ADARB2: variants seen among roughly 807,000 people sequenced by gnomAD.
The protein encoded by ADARB2 is inactive double-stranded RNA-specific editase B2.
In ADARB2, 25 loss-of-function variants were observed where a neutral mutation model predicts 62.2. The ratio of observed to expected loss-of-function variants is 0.40; its 90% CI spans 0.29 to 0.56. ADARB2 has a LOEUF of 0.56. ADARB2 is among the 20% of genes least tolerant of loss of function. The probability of loss-of-function intolerance (pLI) is 0.43; values close to 1 mark genes in which losing one functional copy is unlikely to be tolerated. For synonymous variants in ADARB2, 572 were observed against 500.8 expected, an observed-to-expected ratio of 1.14 and a Z score of -1.90; for missense variants, 1,071 against 1,077.4, an observed-to-expected ratio of 0.99 and a Z score of 0.08.
intron 6 of ADARB2, among the ~76,000 whole-genome samples, chr10:1,229,835 C>CAT (rs1188992762): frequency 3.4e-5 from 5 of 145,944 alleles, no homozygotes; most frequent in Admixed American, 3.4e-4. Flanking sequence ...TTTTTGTGCA[C>CAT]ATGTGCTTAC....
intron 1 of ADARB2, among the ~76,000 whole-genome samples, chr10:1,732,308 A>G (rs967921229): frequency 4.3e-5 from 3 of 70,438 alleles, no homozygotes; most frequent in Non-Finnish European, 5.8e-5. Context: ...TTATCTTTTC[A>G]TGCCTCAAAA....
At chr10:1,338,311 GCA>G in intron 3 of ADARB2, among the ~76,000 whole-genome samples, 1 of 152,220 alleles carries the variant, frequency 6.6e-6, no homozygotes, top group East Asian at 1.9e-4. Context: ...GTCTTGGGCC[GCA>G]CAGTTTCAGT....
chr10:1,678,092 C>A (rs1350657810), intron 1 of ADARB2: 2 of 941,354 alleles, frequency 2.1e-6, no homozygotes, highest in Non-Finnish European at 2.5e-6. Context: ...GTTTTAAAGG[C>A]CAATTTCTGT....
At chr10:1,652,866 G>A (rs1057507272) in intron 1 of ADARB2, among the ~76,000 whole-genome samples, 6 of 152,114 alleles carry the variant, frequency 3.9e-5, no homozygotes, top group African/African-American at 4.8e-5. Context: ...CAAACCAGCC[G>A]ATCCGTGACA....
chr10:1,235,005 C>A (rs1254962269), intron 5 of ADARB2, among the ~76,000 whole-genome samples: 2 of 152,120 alleles, frequency 1.3e-5, no homozygotes, highest in African/African-American at 2.4e-5. Flanking sequence ...CCTTGGCCCC[C>A]CAAAGAGCTG....
chr10:1,553,692 T>A (rs1428559038), intron 1 of ADARB2, among the ~76,000 whole-genome samples: 1 of 152,156 alleles, frequency 6.6e-6, no homozygotes, highest in Non-Finnish European at 1.5e-5. Context: ...CCCAGAAGCC[T>A]AAAAATACAT....
intron 1 of ADARB2, among the ~76,000 whole-genome samples, chr10:1,672,678 A>AC (rs1834405091): frequency 7.0e-6 from 1 of 143,206 alleles, no homozygotes; most frequent in Non-Finnish European, 1.5e-5. Context: ...CCCTCCACGC[A>AC]CGCACTTCCC....
chr10:1,696,935 G>C (rs1458477345), intron 1 of ADARB2, among the ~76,000 whole-genome samples: 2 of 151,726 alleles, frequency 1.3e-5, no homozygotes, highest in Non-Finnish European at 2.9e-5. Flanking sequence ...ACACAAATTT[G>C]TAAGCTTTCT....
chr10:1,657,272 G>A (rs1267935422), intron 1 of ADARB2, among the ~76,000 whole-genome samples: 3 of 152,166 alleles, frequency 2.0e-5, no homozygotes, highest in Admixed American at 6.5e-5. Context: ...ACTTCAGTAC[G>A]TTGCTTCTTG....
intron 1 of ADARB2, among the ~76,000 whole-genome samples, chr10:1,471,892 C>G (rs769110038): frequency 2.0e-5 from 3 of 152,210 alleles, no homozygotes; most frequent in Non-Finnish European, 4.4e-5. Flanking sequence ...GTCTCACCCT[C>G]CACATCCCCC....
intron 1 of ADARB2, among the ~76,000 whole-genome samples, chr10:1,495,902 A>G (rs1254866562): frequency 6.6e-6 from 1 of 152,044 alleles, no homozygotes; most frequent in Non-Finnish European, 1.5e-5. Context: ...CATTAGTATC[A>G]ACATTATCAC....
chr10:1,597,049 C>T (rs896274572), intron 1 of ADARB2, among the ~76,000 whole-genome samples: 1 of 152,020 alleles, frequency 6.6e-6, no homozygotes. Flanking sequence ...CTAGAACTAC[C>T]GACCACAGTA....
chr10:1,518,565 G>A (rs1474221464), intron 1 of ADARB2, among the ~76,000 whole-genome samples: 1 of 152,260 alleles, frequency 6.6e-6, no homozygotes, highest in Non-Finnish European at 1.5e-5. Context: ...ATGTCTGCAT[G>A]TGGTGTGGTC....
At chr10:1,221,741 A>G (rs1444982495) in intron 6 of ADARB2, among the ~76,000 whole-genome samples, 1 of 152,160 alleles carries the variant, frequency 6.6e-6, no homozygotes, top group African/African-American at 2.4e-5. Context: ...TACAAAGGAC[A>G]TGAACTCATC....
chr10:1,652,387 C>T (rs1242204916), intron 1 of ADARB2, among the ~76,000 whole-genome samples: 3 of 152,200 alleles, frequency 2.0e-5, no homozygotes, highest in African/African-American at 7.2e-5. Flanking sequence ...CAGGCTGCTG[C>T]CAGCTCCCGG....
In ADARB2 at chr10:1,508,285, C is replaced by T. The variant is rs1043585078; in HGVS notation, c.101-129125G>A. ...CCTCAATGGACGTCAGTGCTGTCCC[C>T]GCAGCTGGTGAAGACACACGCTATG... On this transcript the variant is annotated intron_variant, in intron 1 of 9. Coordinates refer to ENST00000381312, the MANE Select transcript of ADARB2 (RefSeq NM_018702.4). 3.3e-5 allele frequency among the ~76,000 whole-genome samples: 5 copies of T among 152,160 alleles called. No homozygotes were observed. In the East Asian group the frequency reaches 5.8e-4, roughly 18 times the overall value.
chr10:1,468,327 C>T (rs1831283076), intron 1 of ADARB2, among the ~76,000 whole-genome samples: 1 of 152,154 alleles, frequency 6.6e-6, no homozygotes, highest in Non-Finnish European at 1.5e-5. Flanking sequence ...AAGCAGTCTC[C>T]ACACTCTGGG....
chr10:1,625,178 T>A (rs775747012), intron 1 of ADARB2, among the ~76,000 whole-genome samples: 6 of 152,244 alleles, frequency 3.9e-5, no homozygotes, highest in Non-Finnish European at 8.8e-5. Context: ...CCAGCCTGTT[T>A]TCTGTGGTGC....
intron 1 of ADARB2, among the ~76,000 whole-genome samples, chr10:1,713,493 C>T (rs1379030305): frequency 6.6e-6 from 1 of 152,178 alleles, no homozygotes; most frequent in African/African-American, 2.4e-5. Flanking sequence ...ACAGAGCTGC[C>T]ATGGCTCCGT....
Sources: gnomAD v4.1 joint callset for allele counts (sites outside exome capture counted in the v4.1 genomes callset) on GRCh38, gnomAD v4.1.1 for gene constraint, MANE v1.5 for transcripts, NCBI Gene and HGNC (gene_info 2026-07-23, HGNC 2026-07-21) for gene names.